DHX32: variants seen among roughly 807,000 people sequenced by gnomAD.
DHX32 encodes the protein putative pre-mRNA-splicing factor ATP-dependent RNA helicase DHX32.
In DHX32, 51 loss-of-function variants were observed where a neutral mutation model predicts 70.0. That is an observed-to-expected ratio of 0.73 (90% confidence interval 0.58 to 0.92). DHX32 has a LOEUF of 0.92. Ranked by LOEUF, DHX32 falls within the 40% of genes least tolerant of loss-of-function variation. The pLI, the probability that DHX32 is intolerant of heterozygous loss-of-function variation, is 0.00. For synonymous variants in DHX32, 310 were observed against 315.3 expected, an observed-to-expected ratio of 0.98 and a Z score of 0.18; for missense variants, 762 against 891.8, an observed-to-expected ratio of 0.85 and a Z score of 1.85.
chr10:125,850,824 C>T (rs1306074643), intron 6 of DHX32, among the ~76,000 whole-genome samples: 2 of 152,222 alleles, frequency 1.3e-5, no homozygotes, highest in Non-Finnish European at 2.9e-5. Context: ...CCTCTGAATA[C>T]AAAGATGACC....
rs748819422 is a variant in DHX32, at chr10:125,867,166, A to G, written c.300T>C (p.Ala100=). ...GKSAQVPQWC[A]EYCLSIHYQH... is the part of the protein sequence containing the mutation. Reference sequence around the variant, plus strand: ...GGTAGTGGATGGAAAGACAATATTCAGCACACCACTGAGGAACCTGTAGCA... The same window carrying G: ...GGTAGTGGATGGAAAGACAATATTCGGCACACCACTGAGGAACCTGTAGCA... The change falls in exon 2 of 11, where the codon GCT becomes GCC. Residue 100 remains alanine (A), a synonymous_variant. Coordinates refer to ENST00000284690, the MANE Select transcript of DHX32 (RefSeq NM_018180.3). 1.9e-5 allele frequency: 30 copies of G among 1,612,512 alleles called. No individual in the cohort carries two copies. The highest frequency in any genetic ancestry group is 3.4e-6 in the Non-Finnish European group (4 of 1,179,210).
intron 6 of DHX32, chr10:125,842,764 T>A (rs1259289456): frequency 2.2e-6 from 2 of 916,314 alleles, no homozygotes; most frequent in Non-Finnish European, 1.3e-6. Flanking sequence ...TAGACAAAGA[T>A]GTTATTTCCC....
intron 1 of DHX32, among the ~76,000 whole-genome samples, chr10:125,889,491 T>C (rs1306993176): frequency 6.6e-6 from 1 of 152,200 alleles, no homozygotes; most frequent in Non-Finnish European, 1.5e-5. Context: ...TGGTGCTGGT[T>C]TGTGGCAAGG....
intron 1 of DHX32, among the ~76,000 whole-genome samples, chr10:125,894,804 T>C (rs1445761454): frequency 1.3e-5 from 2 of 152,308 alleles, no homozygotes; most frequent in African/African-American, 4.8e-5. Context: ...TATGATATAC[T>C]GATCACTCTA....
chr10:125,878,199 A>T (rs1209407959), intron 1 of DHX32, among the ~76,000 whole-genome samples: 1 of 152,192 alleles, frequency 6.6e-6, no homozygotes, highest in Non-Finnish European at 1.5e-5. Flanking sequence ...TGACCCCAAA[A>T]TATGCCTCCT....
intron 6 of DHX32, among the ~76,000 whole-genome samples, chr10:125,849,553 A>G (rs946228836): frequency 1.3e-5 from 2 of 152,294 alleles, no homozygotes; most frequent in Non-Finnish European, 2.9e-5. Context: ...TCATTAACTT[A>G]AAAACCTAGG....
intron 8 of DHX32, among the ~76,000 whole-genome samples, chr10:125,840,489 C>CT (rs768305492): frequency 6.6e-6 from 1 of 152,256 alleles, no homozygotes; most frequent in Non-Finnish European, 1.5e-5. Flanking sequence ...CAGCACAACT[C>CT]TGACAGTGGG....
At chr10:125,878,954 C>T (rs1317852698) in intron 1 of DHX32, among the ~76,000 whole-genome samples, 27 of 150,854 alleles carry the variant, frequency 1.8e-4, no homozygotes, top group Middle Eastern at 3.5e-3. Context: ...ATGATCTGCC[C>T]GTCTCGGCCT....
chr10:125,865,074 GATGGTATTAAAGATATAA>G (rs1944212763), intron 2 of DHX32, among the ~76,000 whole-genome samples: 1 of 149,662 alleles, frequency 6.7e-6, no homozygotes, highest in Non-Finnish European at 1.5e-5. Flanking sequence ...TCAAAGTCTA[GATGGTATTAAAGATATAA>G]TATTAACTTC....
At chr10:125,850,354 C>CTTTTTTTTT (rs765077777) in intron 6 of DHX32, among the ~76,000 whole-genome samples, 8 of 124,534 alleles carry the variant, frequency 6.4e-5, no homozygotes, top group South Asian at 2.5e-4. Flanking sequence ...TTCTTTCTTT[C>CTTTTTTTTT]TTTTTTTTTT....
intron 6 of DHX32, among the ~76,000 whole-genome samples, chr10:125,846,124 C>T (rs1203793412): frequency 1.3e-5 from 2 of 152,160 alleles, no homozygotes; most frequent in Non-Finnish European, 2.9e-5. Flanking sequence ...ATTCCTCAAG[C>T]GTAAGGGCAT....
intron 1 of DHX32, among the ~76,000 whole-genome samples, chr10:125,891,080 T>C (rs974714427): frequency 2.6e-5 from 4 of 152,364 alleles, no homozygotes; most frequent in African/African-American, 7.2e-5. Flanking sequence ...TTCAAATGAC[T>C]GGACCACTCA....
At position 125,837,491 on chromosome 10, in the gene DHX32, G is replaced by T. The variant is rs146936349; in HGVS notation, c.2064-636C>A. 1.3e-3 allele frequency among the ~76,000 whole-genome samples: 196 copies of T among 152,278 alleles called. 1 individual carries two copies. Among genetic ancestry groups the T allele is most frequent in the African/African-American group, 4.6e-3 (190 of 41,556 alleles). ...CTCCCAGGCTGGTGTGCGGTGGTGT[G>T]ACAGTACCTCACTGCAGCCTTGACC... On this transcript the variant is annotated intron_variant, in intron 10 of 10. Transcript: ENST00000284690.
chr10:125,841,799 G>A lies in DHX32; in HGVS notation c.1487C>T (p.Ala496Val), dbSNP rs984967202. 13 of 1,613,420 alleles carry A rather than the reference G, an allele frequency of 8.1e-6. No individual in the cohort carries two copies. Among genetic ancestry groups the A allele is most frequent in the Middle Eastern group, 1.6e-4 (1 of 6,084 alleles). The change falls in exon 7 of 11, where the codon GCG becomes GTG. Residue 496 changes from alanine (A) to valine (V), a missense_variant. Ala to Val is a moderately conservative substitution (Grantham distance 64). Transcript: ENST00000284690. ...LDPQLSKSIL[A>V]SCEFDCVDEV... ...ATCTACACAGTCAAATTCACAGGAC[G>A]CTAAGATAGACTTCGAGAGTTGTGG...
rs1303873952 is a variant in DHX32 at position 125,890,125 on chromosome 10, C to T, written c.-248+6093G>A. Among the ~76,000 whole-genome samples, 93 of 150,724 alleles carry T rather than the reference C, an allele frequency of 6.2e-4. No individual in the cohort carries two copies. In the East Asian group the frequency reaches 0.014, roughly 22 times the overall value. ...CTGGGGGTTGAAGAAATACTTGACA[C>T]TAATGGCGATGTCAGGAAGAGAGGT... On this transcript the variant is annotated intron_variant, in intron 1 of 2. Coordinates refer to the DHX32 transcript ENST00000415732.
At chr10:125,847,345 A>C (rs1465884805) in intron 6 of DHX32, among the ~76,000 whole-genome samples, 1 of 152,194 alleles carries the variant, frequency 6.6e-6, no homozygotes, top group Non-Finnish European at 1.5e-5. Flanking sequence ...TCCTTATGCT[A>C]GTTTGAGCTG....
At chr10:125,876,919 A>G (rs1411397590) in intron 1 of DHX32, among the ~76,000 whole-genome samples, 1 of 152,222 alleles carries the variant, frequency 6.6e-6, no homozygotes, top group African/African-American at 2.4e-5. Context: ...GATTTTGATA[A>G]TTATGTTACG....
intron 1 of DHX32, among the ~76,000 whole-genome samples, chr10:125,892,903 T>C (rs80009571): frequency 2.0e-5 from 3 of 152,162 alleles, no homozygotes; most frequent in Admixed American, 1.3e-4. Flanking sequence ...AGCTAGAAAT[T>C]AATGCAATGA....
chr10:125,860,919 AT>A (rs1386589072), intron 2 of DHX32, among the ~76,000 whole-genome samples: 1 of 151,412 alleles, frequency 6.6e-6, no homozygotes, highest in Non-Finnish European at 1.5e-5. Flanking sequence ...CGCCTGGCTA[AT>A]TTTTTGTATT....
Sources: gnomAD v4.1 joint callset for allele counts (sites outside exome capture counted in the v4.1 genomes callset) on GRCh38, gnomAD v4.1.1 for gene constraint, MANE v1.5 for transcripts, NCBI Gene and HGNC (gene_info 2026-07-23, HGNC 2026-07-21) for gene names.